Variants in PARD3B observed in about 807,000 individuals in gnomAD.
The protein encoded by PARD3B is partitioning defective 3 homolog B.
A neutral mutation model predicts 130.2 loss-of-function variants in PARD3B; 103 were observed. The ratio of observed to expected loss-of-function variants is 0.79; its 90% CI spans 0.67 to 0.93. The LOEUF is 0.93. Ranked by LOEUF, PARD3B falls within the 40% of genes least tolerant of loss-of-function variation. The probability of loss-of-function intolerance (pLI) is 0.00; values close to 1 mark genes in which losing one functional copy is unlikely to be tolerated. For missense variants in PARD3B, 1,609 were observed against 1,499.2 expected (o/e 1.07, Z -1.21); for synonymous variants, 583 against 553.2 (o/e 1.05, Z -0.76).
intron 3 of PARD3B, among the ~76,000 whole-genome samples, chr2:204,994,978 G>T (rs1329848496): frequency 6.6e-6 from 1 of 150,862 alleles, no homozygotes; most frequent in African/African-American, 2.4e-5. Flanking sequence ...GTGTGTCTCT[G>T]CACGTGAGAT....
In PARD3B at chr2:205,397,976, G is replaced by A. The variant is rs2046089830; in HGVS notation, c.2631-3037G>A. 6.6e-6 allele frequency among the ~76,000 whole-genome samples: 1 copy of A among 152,120 alleles called. No individual in the cohort carries two copies. Among genetic ancestry groups the A allele is most frequent in the Admixed American group, 6.6e-5 (1 of 15,262 alleles). ...TGTAGGTTAAGGAGAAGTCTTGAAT[G>A]TATCAGGCAAATCTGAATTATATTT... On this transcript the variant is annotated intron_variant, in intron 18 of 22. Coordinates refer to ENST00000406610, the MANE Select transcript of PARD3B (RefSeq NM_001302769.2). This position sits in a 1 kb window ranked among gnomAD's most constrained non-coding sequence, Gnocchi z 4.8.
intron 15 of PARD3B, among the ~76,000 whole-genome samples, chr2:205,234,735 C>A (rs1286768493): frequency 2.6e-5 from 4 of 152,036 alleles, no homozygotes; most frequent in Non-Finnish European, 5.9e-5. Flanking sequence ...ACTGAATACA[C>A]ATTTTTTTTC....
intron 19 of PARD3B, among the ~76,000 whole-genome samples, chr2:205,435,247 A>G (rs930684210): frequency 4.6e-5 from 7 of 152,128 alleles, no homozygotes; most frequent in African/African-American, 1.4e-4. Flanking sequence ...TATGTGTAGT[A>G]CCCTCACCCT....
intron 1 of PARD3B, among the ~76,000 whole-genome samples, chr2:204,608,188 G>T (rs1330974897): frequency 1.3e-5 from 2 of 152,208 alleles, no homozygotes; most frequent in African/African-American, 4.8e-5. Flanking sequence ...ATTTTAAACA[G>T]CACAGGCTTG....
At chr2:204,743,790 G>A (rs755552340) in intron 2 of PARD3B, among the ~76,000 whole-genome samples, 6 of 152,142 alleles carry the variant, frequency 3.9e-5, no homozygotes, top group East Asian at 1.9e-4. Context: ...ATCTCAGACC[G>A]TAGCCAAGTT....
intron 18 of PARD3B, among the ~76,000 whole-genome samples, chr2:205,386,878 C>T (rs1190060947): frequency 6.6e-6 from 1 of 151,856 alleles, no homozygotes; most frequent in Non-Finnish European, 1.5e-5. Flanking sequence ...CACAGATCCC[C>T]CTATCCCTAA....
At chr2:205,610,885 C>G (rs1280523771) in intron 22 of PARD3B, among the ~76,000 whole-genome samples, 3 of 152,178 alleles carry the variant, frequency 2.0e-5, no homozygotes, top group Admixed American at 6.5e-5. Flanking sequence ...TCCTCCAGCC[C>G]CTACCCACAT....
intron 2 of PARD3B, among the ~76,000 whole-genome samples, chr2:204,707,294 A>G (rs2038214974): frequency 6.6e-6 from 1 of 152,198 alleles, no homozygotes; most frequent in African/African-American, 2.4e-5. Flanking sequence ...TTCCAGAGGC[A>G]CTGAGAAGCT....
chr2:204,840,504 A>G (rs995478406), intron 2 of PARD3B, among the ~76,000 whole-genome samples: 2 of 150,976 alleles, frequency 1.3e-5, no homozygotes, highest in African/African-American at 5.0e-5. Context: ...GATTTTAAAA[A>G]AGAAGTGAAT....
chr2:204,600,102 G>A (rs1308164831), intron 1 of PARD3B, among the ~76,000 whole-genome samples: 2 of 151,452 alleles, frequency 1.3e-5, no homozygotes, highest in Non-Finnish European at 3.0e-5. Flanking sequence ...CAGATTGCAT[G>A]TATTTTCTGC....
At chr2:204,562,802 CT>C (rs1289612961) in intron 1 of PARD3B, among the ~76,000 whole-genome samples, 1 of 151,538 alleles carries the variant, frequency 6.6e-6, no homozygotes, top group African/African-American at 2.4e-5. Context: ...TAAAAAAAAA[CT>C]GCAGTTCAAA....
At position 204,610,670 on chromosome 2, in the gene PARD3B, A is replaced by G. The variant is rs1223002252; in HGVS notation, c.120+64551A>G. Among the ~76,000 whole-genome samples the G allele has an allele frequency of 6.6e-6, 1 of 152,120 alleles. No individual in the cohort carries two copies. The highest frequency in any genetic ancestry group is 2.4e-5 in the African/African-American group (1 of 41,430). On this transcript the variant is annotated intron_variant, in intron 1 of 22. Coordinates refer to ENST00000406610, the MANE Select transcript of PARD3B (RefSeq NM_001302769.2). This position sits in a 1 kb window ranked among gnomAD's most constrained non-coding sequence, Gnocchi z 4.1. ...CCACCGTGCCTGCCCCTTGTCCTTCATAGAACCACTTTGATATGTTAGTCT... is the reference window on the plus strand; with the variant it reads ...CCACCGTGCCTGCCCCTTGTCCTTCGTAGAACCACTTTGATATGTTAGTCT...
chr2:204,645,218 C>A (rs554578870), intron 1 of PARD3B, among the ~76,000 whole-genome samples: 62 of 152,218 alleles, frequency 4.1e-4, no homozygotes, highest in Non-Finnish European at 7.8e-4. Context: ...ATTTACTTAA[C>A]TATATTAAAC....
chr2:205,458,788 T>C lies in PARD3B; in HGVS notation c.3044+18116T>C, dbSNP rs2048355323. Among the ~76,000 whole-genome samples the C allele has an allele frequency of 6.6e-6, 1 of 152,148 alleles. No homozygotes were observed. The highest frequency in any genetic ancestry group is 1.5e-5 in the Non-Finnish European group (1 of 68,020). On this transcript the variant is annotated intron_variant, in intron 20 of 22. Transcript: ENST00000406610. The surrounding 1 kb of genome is among the most constrained non-coding windows in gnomAD (Gnocchi z 4.8). Reference sequence around the variant, plus strand: ...ATTTTTGATCAAATGCTAGACACAGTCCTTGAAAAGCTGTAGAAATCTCAG... The same window carrying C: ...ATTTTTGATCAAATGCTAGACACAGCCCTTGAAAAGCTGTAGAAATCTCAG...
chr2:205,555,380 G>A (rs1232377984), intron 22 of PARD3B, among the ~76,000 whole-genome samples: 1 of 152,184 alleles, frequency 6.6e-6, no homozygotes, highest in African/African-American at 2.4e-5. Context: ...TAGCAAAGGA[G>A]TCAAGCAAAT....
intron 4 of PARD3B, among the ~76,000 whole-genome samples, chr2:205,059,285 A>G (rs78218869): frequency 0.017 from 2,513 of 152,090 alleles, 65 homozygotes; most frequent in African/African-American, 0.055. Context: ...GCTTTTAAAA[A>G]CTTAATCACA....
intron 21 of PARD3B, among the ~76,000 whole-genome samples, chr2:205,538,327 G>T (rs1042611164): frequency 5.3e-5 from 8 of 152,196 alleles, no homozygotes; most frequent in African/African-American, 1.9e-4. Flanking sequence ...AAGGAAATGT[G>T]AGAGTTTACA....
rs1689978323 is a variant in PARD3B at position 204,953,453 on chromosome 2, AG to A, written c.223-11698del. Among the ~76,000 whole-genome samples the A allele has an allele frequency of 2.7e-5, 4 of 149,136 alleles. No homozygotes were observed. In the South Asian group the frequency reaches 6.3e-4, roughly 23 times the overall value. ...GAGAGAGAGAGAGAGAGAGAGAGAG[AG>A]AGAGAGAGAGAGAAGGCTGGAGGGA... On this transcript the variant is annotated intron_variant, in intron 2 of 22. Coordinates refer to ENST00000406610, the MANE Select transcript of PARD3B (RefSeq NM_001302769.2).
chr2:205,108,413 C>G (rs1250781661), intron 5 of PARD3B, among the ~76,000 whole-genome samples: 1 of 152,162 alleles, frequency 6.6e-6, no homozygotes, highest in Non-Finnish European at 1.5e-5. Flanking sequence ...TGATCTCAAG[C>G]TAATGGTTTA....
Sources: allele counts gnomAD v4.1 joint callset (sites outside exome capture counted in the v4.1 genomes callset), GRCh38; gene constraint gnomAD v4.1.1; non-coding constraint Gnocchi (gnomAD v3.1); transcripts MANE v1.5; gene names NCBI Gene and HGNC (gene_info 2026-07-23, HGNC 2026-07-21).